The following IMMP2L variants were observed in gnomAD, a reference collection of about 807,000 sequenced individuals.
IMMP2L encodes mitochondrial inner membrane protease subunit 2.
Under a neutral mutation model 19.3 loss-of-function variants are expected in IMMP2L, and 18 were observed. The ratio of observed to expected loss-of-function variants is 0.93; its 90% CI spans 0.64 to 1.38. IMMP2L has a LOEUF of 1.38. Among genes scored for constraint, IMMP2L ranks in the 40% most tolerant of loss-of-function variants. The probability of loss-of-function intolerance (pLI) is 0.00; values close to 1 mark genes in which losing one functional copy is unlikely to be tolerated. For missense variants in IMMP2L, 233 were observed against 218.2 expected (o/e 1.07, Z -0.43); for synonymous variants, 76 against 73.0 (o/e 1.04, Z -0.21).
At chr7:110,747,733 T>C (rs888571654) in intron 5 of IMMP2L, among the ~76,000 whole-genome samples, 1 of 152,140 alleles carries the variant, frequency 6.6e-6, no homozygotes, top group East Asian at 1.9e-4. Context: ...AAACTAGGCA[T>C]TGATGGAACG....
At chr7:111,541,455 G>A (rs902288352) in intron 1 of IMMP2L, among the ~76,000 whole-genome samples, 3 of 152,148 alleles carry the variant, frequency 2.0e-5, no homozygotes, top group African/African-American at 4.8e-5. Flanking sequence ...GATAAGTTAT[G>A]GCTCCATTTG....
intron 4 of IMMP2L, among the ~76,000 whole-genome samples, chr7:110,891,537 C>A (rs906263668): frequency 6.6e-6 from 1 of 152,202 alleles, no homozygotes; most frequent in African/African-American, 2.4e-5. Context: ...TTTGGAAATA[C>A]CCACCTTAGT....
In IMMP2L at chr7:111,169,410, T is replaced by C. The variant is rs114884702; in HGVS notation, c.240-205845A>G. Among the ~76,000 whole-genome samples, 682 of 151,964 alleles carry C rather than the reference T, an allele frequency of 4.5e-3. 10 individuals are homozygous for C. Among genetic ancestry groups the C allele is most frequent in the African/African-American group, 0.016 (659 of 41,472 alleles). ...GCTTCTCTTCCCACCAAATCTCATC[T>C]CTCACATTTGGTTTTTGAGCAGTGA... On this transcript the variant is annotated intron_variant, in intron 3 of 5. Coordinates refer to ENST00000405709, the MANE Select transcript of IMMP2L (RefSeq NM_032549.4).
In IMMP2L at chr7:111,241,245, C is replaced by T. The variant is rs191962836; in HGVS notation, c.239+245993G>A. Among the ~76,000 whole-genome samples, 74 of 151,844 alleles carry T rather than the reference C, an allele frequency of 4.9e-4. 1 individual carries two copies. The highest frequency in any genetic ancestry group is 4.0e-3 in the Admixed American group (60 of 15,186). ...ACTCCAAGTCACTATGGATGTGACT[C>T]GTTTGAGGAATATATAATATAAAAT... On this transcript the variant is annotated intron_variant, in intron 3 of 5. Coordinates refer to ENST00000405709, the MANE Select transcript of IMMP2L (RefSeq NM_032549.4).
chr7:111,257,958 T>A (rs1346756751), intron 3 of IMMP2L, among the ~76,000 whole-genome samples: 2 of 151,522 alleles, frequency 1.3e-5, no homozygotes, highest in East Asian at 3.9e-4. Context: ...CAGGCCTCGG[T>A]GTGTGATGTT....
At chr7:110,976,343 AT>A (rs1388005109) in intron 3 of IMMP2L, among the ~76,000 whole-genome samples, 1 of 152,006 alleles carries the variant, frequency 6.6e-6, no homozygotes, top group Non-Finnish European at 1.5e-5. Flanking sequence ...AAATAATACA[AT>A]ATTTGTCCTT....
At chr7:111,321,513 C>G (rs1249319627) in intron 3 of IMMP2L, among the ~76,000 whole-genome samples, 1 of 151,108 alleles carries the variant, frequency 6.6e-6, no homozygotes, top group Non-Finnish European at 1.5e-5. Flanking sequence ...CTACAACAAT[C>G]TTTTTTTTTC....
At chr7:111,026,592 T>A (rs1447877852) in intron 3 of IMMP2L, among the ~76,000 whole-genome samples, 1 of 152,126 alleles carries the variant, frequency 6.6e-6, no homozygotes, top group Admixed American at 6.6e-5. Flanking sequence ...CCAACACCAA[T>A]GTACTTGAAA....
In IMMP2L at chr7:110,758,471, A is replaced by G. The variant is rs1216424914; in HGVS notation, c.409-94750T>C. On this transcript the variant is annotated intron_variant, in intron 5 of 5. Transcript: ENST00000405709. The surrounding 1 kb of genome is among the most constrained non-coding windows in gnomAD (Gnocchi z 4.6). The stretch of plus-strand genomic sequence containing the variant: ...TAATATTGATGACTCAGGAGAGAGC[A>G]TAAGAATTGCTAAAGCCATGTCCTT... Among the ~76,000 whole-genome samples the G allele has an allele frequency of 6.6e-6, 1 of 152,122 alleles. No individual in the cohort carries two copies. The highest frequency in any genetic ancestry group is 1.5e-5 in the Non-Finnish European group (1 of 68,012).
intron 3 of IMMP2L, among the ~76,000 whole-genome samples, chr7:111,459,566 G>C (rs912254864): frequency 6.6e-5 from 10 of 151,928 alleles, no homozygotes; most frequent in African/African-American, 1.7e-4. Flanking sequence ...CCCCCTTTAA[G>C]AGTAAACATG....
chr7:110,861,043 G>A (rs1182252010), intron 5 of IMMP2L, among the ~76,000 whole-genome samples: 2 of 148,602 alleles, frequency 1.3e-5, no homozygotes, highest in East Asian at 2.0e-4. Flanking sequence ...AAGCCAAGAG[G>A]TAAAAGAATG....
At chr7:110,921,721 T>G (rs988595641) in intron 4 of IMMP2L, among the ~76,000 whole-genome samples, 1 of 152,166 alleles carries the variant, frequency 6.6e-6, no homozygotes, top group African/African-American at 2.4e-5. Flanking sequence ...AGCTTGGATC[T>G]TGGAATAACA....
chr7:110,938,389 G>A (rs1816346711), intron 4 of IMMP2L, among the ~76,000 whole-genome samples: 1 of 152,130 alleles, frequency 6.6e-6, no homozygotes, highest in South Asian at 2.1e-4. Flanking sequence ...GTAGAGCTGA[G>A]GCCTCAAGAG....
intron 3 of IMMP2L, among the ~76,000 whole-genome samples, chr7:111,294,139 T>C (rs551059421): frequency 3.9e-5 from 6 of 152,026 alleles, no homozygotes; most frequent in Non-Finnish European, 7.4e-5. Flanking sequence ...ACTTTACAGA[T>C]GAAGAAACTT....
At chr7:110,846,366 TTTG>T (rs1554435799) in intron 5 of IMMP2L, among the ~76,000 whole-genome samples, 1 of 113,174 alleles carries the variant, frequency 8.8e-6, no homozygotes, top group Non-Finnish European at 1.8e-5. Flanking sequence ...TTTTTTTTTT[TTTG>T]TTGTTGTTGT....
intron 3 of IMMP2L, among the ~76,000 whole-genome samples, chr7:111,083,648 C>T (rs1796070086): frequency 6.6e-6 from 1 of 152,148 alleles, no homozygotes; most frequent in African/African-American, 2.4e-5. Flanking sequence ...GTTCACCAAC[C>T]CCAGTTTCCT....
At chr7:111,222,429 A>T (rs1812620214) in intron 3 of IMMP2L, among the ~76,000 whole-genome samples, 1 of 152,002 alleles carries the variant, frequency 6.6e-6, no homozygotes, top group African/African-American at 2.4e-5. Flanking sequence ...TGACAAACAG[A>T]TGATTATTAT....
At chr7:111,535,832 T>C (rs114538716) in intron 1 of IMMP2L, among the ~76,000 whole-genome samples, 1 of 152,064 alleles carries the variant, frequency 6.6e-6, no homozygotes, top group Non-Finnish European at 1.5e-5. Flanking sequence ...TGTGGGGCCC[T>C]GGAAGCAAAA....
intron 5 of IMMP2L, among the ~76,000 whole-genome samples, chr7:110,859,457 T>C (rs1807149339): frequency 1.3e-5 from 2 of 151,732 alleles, no homozygotes; most frequent in Admixed American, 6.6e-5. Flanking sequence ...AAAAATCTAG[T>C]ATGGGCTGTG....
Sources: allele counts gnomAD v4.1 joint callset (sites outside exome capture counted in the v4.1 genomes callset), GRCh38; gene constraint gnomAD v4.1.1; non-coding constraint Gnocchi (gnomAD v3.1); transcripts MANE v1.5; gene names NCBI Gene and HGNC (gene_info 2026-07-23, HGNC 2026-07-21).